The following KDM2A variants were observed in gnomAD, a reference collection of about 807,000 sequenced individuals.
KDM2A encodes the protein lysine demethylase 2A.
In KDM2A, 3 loss-of-function variants were observed where a neutral mutation model predicts 137.3. That is an observed-to-expected ratio of 0.02 (90% CI 0.01 to 0.06). The LOEUF (loss-of-function observed/expected upper bound fraction) is 0.06. KDM2A is among the 10% of genes least tolerant of loss of function. The pLI, the probability that KDM2A is intolerant of heterozygous loss-of-function variation, is 1.00. For synonymous variants in KDM2A, 512 were observed against 541.5 expected (o/e 0.95, Z 0.76); for missense variants, 738 against 1,510.6 (o/e 0.49, Z 8.48).
At chr11:67,168,214 G>C (rs1483774129) in intron 2 of KDM2A, among the ~76,000 whole-genome samples, 1 of 152,034 alleles carries the variant, frequency 6.6e-6, no homozygotes, top group African/African-American at 2.4e-5. Flanking sequence ...CTATAGAGGA[G>C]CAACACAGTC....
chr11:67,251,376 T>C (rs1256757387), intron 17 of KDM2A, among the ~76,000 whole-genome samples: 13 of 152,206 alleles, frequency 8.5e-5, no homozygotes. Flanking sequence ...GAAGCTTCCT[T>C]AATGAGAGCT....
chr11:67,222,059 C>CTTTTTT (rs11373238), intron 10 of KDM2A, among the ~76,000 whole-genome samples: 6 of 110,428 alleles, frequency 5.4e-5, no homozygotes, highest in Admixed American at 2.0e-4. Flanking sequence ...CTCTGTCATT[C>CTTTTTT]TTTTTTTTTT....
At chr11:67,138,347 C>A (rs1258435380) in intron 2 of KDM2A, among the ~76,000 whole-genome samples, 1 of 152,122 alleles carries the variant, frequency 6.6e-6, no homozygotes, top group Admixed American at 6.6e-5. Context: ...ATGAAAAGAA[C>A]CTTAGATTGC....
intron 2 of KDM2A, among the ~76,000 whole-genome samples, chr11:67,141,559 C>T (rs972978493): frequency 2.0e-5 from 3 of 148,584 alleles, no homozygotes; most frequent in South Asian, 2.1e-4. Context: ...CCCAGCTGCT[C>T]GGGAGGCTAA....
rs77060742 is a variant in KDM2A, at chr11:67,161,322, A to G, written c.43-18757A>G. On this transcript the variant is annotated intron_variant, in intron 2 of 20. Coordinates refer to ENST00000529006, the MANE Select transcript of KDM2A (RefSeq NM_012308.3). ...TCTATAGAAATTGTATCCACGTGAA[A>G]CCTTTGAATTGTCTTCACTTTGGAG... 2.6e-5 allele frequency among the ~76,000 whole-genome samples: 4 copies of G among 152,292 alleles called. No homozygotes were observed. In the East Asian group the frequency reaches 7.7e-4, roughly 29 times the overall value.
chr11:67,248,554 C>A (rs1859317679), intron 16 of KDM2A, 184 bp downstream of exon 16: 1 of 557,050 alleles, frequency 1.8e-6, no homozygotes, highest in Non-Finnish European at 3.2e-6. Context: ...GAGTTTGTAG[C>A]ATTGTGTTTT....
intron 2 of KDM2A, among the ~76,000 whole-genome samples, chr11:67,124,862 C>CT (rs1266365913): frequency 0.016 from 2,306 of 142,568 alleles, 32 homozygotes; most frequent in African/African-American, 0.023. Flanking sequence ...CTTTTTCTTT[C>CT]TTTTTTTTTT....
chr11:67,129,467 G>A (rs1402460473), intron 2 of KDM2A, among the ~76,000 whole-genome samples: 3 of 152,050 alleles, frequency 2.0e-5, no homozygotes, highest in African/African-American at 7.2e-5. Flanking sequence ...GGGCGCGGTG[G>A]CTCACACCTG....
At chr11:67,169,759 CT>C (rs778350678) in intron 2 of KDM2A, among the ~76,000 whole-genome samples, 15 of 65,692 alleles carry the variant, frequency 2.3e-4, no homozygotes, top group Admixed American at 6.8e-4. Context: ...CTCTCTCTCT[CT>C]TTTTTTTTTT....
intron 8 of KDM2A, 142 bp downstream of exon 8, chr11:67,216,091 G>T: frequency 1.4e-6 from 1 of 722,336 alleles, no homozygotes; most frequent in South Asian, 1.6e-5. Context: ...TATAGATTAA[G>T]TTCACCTTCT....
Position 67,240,314 on chromosome 11 carries a change from C to CG in KDM2A, c.1480-2694dup. ...TCCAGTACAGAAAACAAAACAAAGA[C>CG]GCTGGGGAAACTTCACCAAGAGCCT... On this transcript the variant is annotated intron_variant, in intron 12 of 20. Coordinates refer to ENST00000529006, the MANE Select transcript of KDM2A (RefSeq NM_012308.3). 5.9e-6 allele frequency: 9 copies of CG among 1,535,602 alleles called. No homozygotes were observed. In the South Asian group the frequency reaches 1.1e-4, roughly 18 times the overall value.
At chr11:67,252,539 T>A in intron 17 of KDM2A, 155 bp from the exon 18 acceptor site, 1 of 823,880 alleles carries the variant, frequency 1.2e-6, no homozygotes, top group Admixed American at 2.1e-5. Context: ...TTTTGCCTAT[T>A]CTGTGAGGCA....
intron 2 of KDM2A, among the ~76,000 whole-genome samples, chr11:67,172,140 C>G (rs1016259201): frequency 6.6e-6 from 1 of 152,140 alleles, no homozygotes; most frequent in East Asian, 1.9e-4. Context: ...CAAGCACACA[C>G]CAGCACTCCT....
At chr11:67,177,278 C>T (rs1034243183) in intron 2 of KDM2A, among the ~76,000 whole-genome samples, 1 of 152,022 alleles carries the variant, frequency 6.6e-6, no homozygotes, top group African/African-American at 2.4e-5. Context: ...AAAAATATTA[C>T]TACTACTAGT....
intron 6 of KDM2A, among the ~76,000 whole-genome samples, chr11:67,207,928 G>C (rs987890865): frequency 6.6e-6 from 1 of 152,108 alleles, no homozygotes; most frequent in African/African-American, 2.4e-5. Flanking sequence ...CTACTCAAGA[G>C]GCTGAGGTGG....
chr11:67,148,752 G>C (rs1856315154), intron 2 of KDM2A, among the ~76,000 whole-genome samples: 1 of 152,140 alleles, frequency 6.6e-6, no homozygotes, highest in Non-Finnish European at 1.5e-5. Flanking sequence ...AGTGAGCTGA[G>C]ATCATGCCAT....
intron 2 of KDM2A, 62 bp downstream of exon 2, chr11:67,121,420 C>G: frequency 6.6e-7 from 1 of 1,513,526 alleles, no homozygotes; most frequent in East Asian, 2.3e-5. Flanking sequence ...ATTTTGTTTC[C>G]AGTTGTGAAT....
intron 2 of KDM2A, among the ~76,000 whole-genome samples, chr11:67,129,961 C>CTTT (rs1220967190): frequency 7.1e-6 from 1 of 141,826 alleles, no homozygotes. Flanking sequence ...CTCTCCTATT[C>CTTT]TTTTTTTTTT....
At position 67,255,084 on chromosome 11, in the gene KDM2A, A is replaced by AC. The variant is rs1859557993; in HGVS notation, c.*31dup. The AC allele has an allele frequency of 2.5e-6, 4 of 1,587,964 alleles. No homozygotes were observed. Among genetic ancestry groups the AC allele is most frequent in the Non-Finnish European group, 3.4e-6 (4 of 1,167,190 alleles). ...ACACCCAGCCCAGATTCAACAGGAA[A>AC]CCGATCTTCCCCTGACTCCCCACCG... On this transcript the variant is annotated 3_prime_UTR_variant, in exon 21 of 21. Transcript: ENST00000529006.
Sources: gnomAD v4.1 joint callset for allele counts (sites outside exome capture counted in the v4.1 genomes callset) on GRCh38, gnomAD v4.1.1 for gene constraint, MANE v1.5 for transcripts, NCBI Gene and HGNC (gene_info 2026-07-23, HGNC 2026-07-21) for gene names.